Variants in PARVA observed in about 807,000 individuals in gnomAD.
The protein encoded by PARVA is alpha-parvin.
Under a neutral mutation model 52.6 loss-of-function variants are expected in PARVA, and 25 were observed. That is an observed-to-expected ratio of 0.48 (90% CI 0.35 to 0.66). PARVA has a LOEUF of 0.66. Ranked by LOEUF, PARVA falls within the 30% of genes least tolerant of loss-of-function variation. The pLI is 0.01. For synonymous variants in PARVA, 185 were observed against 179.1 expected (o/e 1.03, Z -0.26); for missense variants, 373 against 450.9 (o/e 0.83, Z 1.56).
chr11:12,534,970 T>C lies in PARVA; in HGVS notation c.*7045T>C, dbSNP rs543194219. 6.6e-6 allele frequency among the ~76,000 whole-genome samples: 1 copy of C among 152,350 alleles called. No individual in the cohort carries two copies. The highest frequency in any genetic ancestry group is 2.4e-5 in the African/African-American group (1 of 41,588). On this transcript the variant is annotated 3_prime_UTR_variant, in exon 13 of 13. Coordinates refer to ENST00000334956, the MANE Select transcript of PARVA (RefSeq NM_018222.5). ...TGAACTGGGGATGTTTGACTTAAAATGATGGACAATAAGATAGTGAGCAGT... is the reference window on the plus strand; with the variant it reads ...TGAACTGGGGATGTTTGACTTAAAACGATGGACAATAAGATAGTGAGCAGT...
In PARVA at chr11:12,533,265, G is replaced by A. The variant is rs1305498852; in HGVS notation, c.*5340G>A. On this transcript the variant is annotated 3_prime_UTR_variant, in exon 13 of 13. Transcript: ENST00000334956. The stretch of plus-strand genomic sequence containing the variant: ...CCAGGCCAGAACGCTGATCCATGGA[G>A]ACCAGTGCTTCCAGCCCTCTCACCT... Among the ~76,000 whole-genome samples, 1 of 152,210 alleles carries A rather than the reference G, an allele frequency of 6.6e-6. No homozygotes were observed. Among genetic ancestry groups the A allele is most frequent in the Non-Finnish European group, 1.5e-5 (1 of 68,050 alleles).
At chr11:12,434,147 T>C (rs1940355120) in intron 1 of PARVA, among the ~76,000 whole-genome samples, 1 of 152,202 alleles carries the variant, frequency 6.6e-6, no homozygotes, top group Non-Finnish European at 1.5e-5. Flanking sequence ...ATTCTGATTT[T>C]CCAAGTGCCC....
intron 1 of PARVA, among the ~76,000 whole-genome samples, chr11:12,404,106 T>C (rs912244533): frequency 4.6e-5 from 1 of 21,698 alleles, no homozygotes; most frequent in Non-Finnish European, 1.1e-4. Context: ...ATATAGCTCT[T>C]TTTTTTTTTT....
At chr11:12,380,325 T>C (rs1939466495) in intron 1 of PARVA, among the ~76,000 whole-genome samples, 1 of 150,508 alleles carries the variant, frequency 6.6e-6, no homozygotes, top group Admixed American at 6.6e-5. Context: ...TCTTAATCAC[T>C]CCGAGGCCTG....
In PARVA at chr11:12,513,367, A is replaced by AAGGGGTGCCTGGGAT. The variant is rs776979066; in HGVS notation, c.798+8_798+22dup. The AAGGGGTGCCTGGGAT allele has an allele frequency of 2.0e-5, 33 of 1,613,094 alleles. No individual in the cohort carries two copies. Among genetic ancestry groups the AAGGGGTGCCTGGGAT allele is most frequent in the Non-Finnish European group, 2.7e-5 (32 of 1,179,140 alleles). On this transcript the variant is annotated splice_region_variant and intron_variant, in intron 9 of 12. Transcript: ENST00000334956. Reference sequence around the variant, plus strand: ...GCTGAATGTGGTGAAAAAGGTGGGAAAGGGGTGCCTGGGATGGACAGAGGG... The same window carrying AAGGGGTGCCTGGGAT: ...GCTGAATGTGGTGAAAAAGGTGGGAAAGGGGTGCCTGGGATAGGGGTGCCTGGGATGGACAGAGGG...
In PARVA at chr11:12,401,408, A is replaced by C. The variant is rs117957592; in HGVS notation, c.136+23625A>C. Among the ~76,000 whole-genome samples the C allele has an allele frequency of 9.4e-3, 1,437 of 152,314 alleles. 12 individuals are homozygous for C. Among genetic ancestry groups the C allele is most frequent in the South Asian group, 0.022 (104 of 4,832 alleles). ...TTTCCAAAGAAGAGGCAAAGGTGGG[A>C]TTTAATATGCAGTTTTTTCAGAACT... On this transcript the variant is annotated intron_variant, in intron 1 of 12. Transcript: ENST00000334956.
intron 5 of PARVA, among the ~76,000 whole-genome samples, chr11:12,500,967 G>T (rs1941356281): frequency 6.6e-6 from 1 of 151,918 alleles, no homozygotes; most frequent in Admixed American, 6.6e-5. Flanking sequence ...AAATTGCCAG[G>T]TATGGTGGCA....
At chr11:12,448,420 T>C (rs1014824403) in intron 1 of PARVA, among the ~76,000 whole-genome samples, 2 of 152,162 alleles carry the variant, frequency 1.3e-5, no homozygotes, top group African/African-American at 4.8e-5. Flanking sequence ...GATGGGATGA[T>C]GCTCAGATGT....
chr11:12,450,025 T>A (rs1042895925), intron 1 of PARVA, among the ~76,000 whole-genome samples: 4 of 152,238 alleles, frequency 2.6e-5, no homozygotes, highest in Admixed American at 2.6e-4. Flanking sequence ...ATTTACTCAT[T>A]TAATCTTTTT....
intron 4 of PARVA, 130 bp from the exon 5 acceptor site, chr11:12,496,328 C>G: frequency 4.8e-6 from 2 of 418,700 alleles, no homozygotes; most frequent in South Asian, 4.2e-5. Context: ...GGTAGGCATC[C>G]AGTATCTATT....
chr11:12,508,684 A>G (rs756671028), intron 7 of PARVA, 42 bp downstream of exon 7: 1 of 1,393,320 alleles, frequency 7.2e-7, no homozygotes, highest in Admixed American at 1.7e-5. Flanking sequence ...GTAATGGAAC[A>G]CAGATGTTTC....
In PARVA at chr11:12,473,737, T is replaced by C; in HGVS notation, c.137-8T>C. On this transcript the variant is annotated splice_polypyrimidine_tract_variant and splice_region_variant and intron_variant, in intron 1 of 12. Coordinates refer to ENST00000334956, the MANE Select transcript of PARVA (RefSeq NM_018222.5). ...TGAAATGTGACCCTGCTCTTCCTTT[T>C]CTTCCAGTGTCCGAGCTGCAGGAGG... 6.4e-7 allele frequency: 1 copy of C among 1,555,144 alleles called. No homozygotes were observed.
At position 12,377,692 on chromosome 11, in the gene PARVA, C is replaced by A; in HGVS notation, c.45C>A (p.Pro15=). ...AGTCGCCTTCTGTCCCCAAGTCTCC[C>A]ACTCCCAAGTCGCCCCCGTCCCGCA... ...PQKSPSVPKS[P]TPKSPPSRKK... The change falls in exon 1 of 13, where the codon CCC becomes CCA. Residue 15 remains proline (P), a synonymous_variant. Transcript: ENST00000334956. The A allele has an allele frequency of 6.4e-7, 1 of 1,568,064 alleles. No homozygotes were observed. The highest frequency in any genetic ancestry group is 8.6e-7 in the Non-Finnish European group (1 of 1,161,814).
At chr11:12,516,319 G>T (rs1941566956) in intron 10 of PARVA, among the ~76,000 whole-genome samples, 1 of 152,144 alleles carries the variant, frequency 6.6e-6, no homozygotes, top group African/African-American at 2.4e-5. Flanking sequence ...TAAACATTTG[G>T]TGGCCCAGCC....
intron 1 of PARVA, among the ~76,000 whole-genome samples, chr11:12,460,174 C>A (rs1415045640): frequency 6.6e-6 from 1 of 152,168 alleles, no homozygotes; most frequent in African/African-American, 2.4e-5. Context: ...CTCTGCCTAA[C>A]CTAATGGACG....
At chr11:12,524,125 C>T (rs1036047355) in intron 12 of PARVA, among the ~76,000 whole-genome samples, 1 of 152,212 alleles carries the variant, frequency 6.6e-6, no homozygotes, top group African/African-American at 2.4e-5. Context: ...GCTTAGTCCA[C>T]GTGAATGATG....
chr11:12,500,848 C>T (rs1185105494), intron 5 of PARVA, among the ~76,000 whole-genome samples: 1 of 151,630 alleles, frequency 6.6e-6, no homozygotes, highest in African/African-American at 2.4e-5. Flanking sequence ...GTGGCCCACA[C>T]CTGTAATCCC....
Position 12,535,355 on chromosome 11 carries a change from G to A in PARVA, c.*7430G>A, listed in dbSNP as rs527655204. ...TCCCTTTGGTGTGCTTTGTCAATAAGATACAGAGCTTTCTCTCCCATTCTT... is the reference window on the plus strand; with the variant it reads ...TCCCTTTGGTGTGCTTTGTCAATAAAATACAGAGCTTTCTCTCCCATTCTT... On this transcript the variant is annotated 3_prime_UTR_variant, in exon 13 of 13. Transcript: ENST00000334956. 3.3e-5 allele frequency among the ~76,000 whole-genome samples: 5 copies of A among 152,300 alleles called. No homozygotes were observed. In the South Asian group the frequency reaches 8.3e-4, roughly 25 times the overall value.
intron 1 of PARVA, among the ~76,000 whole-genome samples, chr11:12,395,769 G>C (rs1939734051): frequency 6.6e-6 from 1 of 152,142 alleles, no homozygotes; most frequent in Non-Finnish European, 1.5e-5. Flanking sequence ...GCCAACACTT[G>C]GCAGCCCAGC....
Sources: gnomAD v4.1 joint callset for allele counts (sites outside exome capture counted in the v4.1 genomes callset) on GRCh38, gnomAD v4.1.1 for gene constraint, MANE v1.5 for transcripts, NCBI Gene and HGNC (gene_info 2026-07-23, HGNC 2026-07-21) for gene names.